WNT2B: variants seen among roughly 807,000 people sequenced by gnomAD.
WNT2B encodes the protein protein Wnt-2b.
A neutral mutation model predicts 40.5 loss-of-function variants in WNT2B; 19 were observed. The observed-to-expected ratio is 0.47, with a 90% CI of 0.33 to 0.69. The LOEUF (loss-of-function observed/expected upper bound fraction) is 0.69, where lower values mean the gene tolerates loss of function less well. WNT2B is among the 30% of genes least tolerant of loss of function. The pLI is 0.02. For missense variants in WNT2B, 467 were observed against 556.4 expected, an observed-to-expected ratio of 0.84 and a Z score of 1.62; for synonymous variants, 220 against 211.9, an observed-to-expected ratio of 1.04 and a Z score of -0.33.
Position 112,524,278 on chromosome 1 carries a change from G to C in WNT2B, c.*3769G>C, listed in dbSNP as rs1290259866. On this transcript the variant is annotated 3_prime_UTR_variant, in exon 5 of 5. Transcript: ENST00000369684. ...TTTTTTTTTCCTCAGTCTTTCTGAG[G>C]TTTTTATTTAAATGCACTCAGTGGT... 6.6e-6 allele frequency: 1 copy of C among 152,556 alleles called. No homozygotes were observed. The highest frequency in any genetic ancestry group is 1.9e-4 in the East Asian group (1 of 5,194). The allele number at this position is 152,556 out of a possible 1,614,324, so 9.5% of individuals were successfully genotyped here. A position where few individuals can be genotyped will look rare whatever the true frequency, so the allele number is the denominator to read the frequency against.
chr1:112,484,466 A>G (rs1484461655), intron 1 of WNT2B, among the ~76,000 whole-genome samples: 1 of 151,000 alleles, frequency 6.6e-6, no homozygotes, highest in Non-Finnish European at 1.5e-5. Flanking sequence ...TTGTAGAGAC[A>G]AGGTTTCACT....
intron 1 of WNT2B, among the ~76,000 whole-genome samples, chr1:112,471,005 T>G (rs934535257): frequency 6.6e-6 from 1 of 152,176 alleles, no homozygotes; most frequent in African/African-American, 2.4e-5. Flanking sequence ...GCCAGGGTAC[T>G]GGGGACCCTG....
At chr1:112,474,887 T>TC (rs903767324) in intron 1 of WNT2B, among the ~76,000 whole-genome samples, 2 of 152,188 alleles carry the variant, frequency 1.3e-5, no homozygotes, top group African/African-American at 2.4e-5. Context: ...TGTGTAGCAA[T>TC]CCCCCACACA....
chr1:112,475,616 CATA>C (rs1278813956), intron 1 of WNT2B, among the ~76,000 whole-genome samples: 3 of 151,708 alleles, frequency 2.0e-5, no homozygotes, highest in Non-Finnish European at 4.4e-5. Flanking sequence ...AATTCATCGG[CATA>C]ATATCACATG....
upstream of WNT2B, among the ~76,000 whole-genome samples, chr1:112,507,093 T>G (rs183681312): frequency 1.5e-4 from 23 of 152,310 alleles, no homozygotes; most frequent in East Asian, 4.1e-3. Flanking sequence ...TAGGATGCTC[T>G]TCACCAGGAA....
At chr1:112,517,052 G>A in intron 3 of WNT2B, 69 bp from the exon 4 acceptor site, 1 of 1,554,380 alleles carries the variant, frequency 6.4e-7, no homozygotes, top group Admixed American at 1.7e-5. Flanking sequence ...TCATCCTTTT[G>A]GACCTAGGGA....
At chr1:112,516,097 T>C (rs973720540) in intron 2 of WNT2B, 43 bp from the exon 3 acceptor site, 2 of 1,578,122 alleles carry the variant, frequency 1.3e-6, no homozygotes, top group African/African-American at 1.3e-5. Flanking sequence ...GGGACAGACA[T>C]GGGCCTCTTT....
chr1:112,500,476 A>G (rs1185993665), intron 1 of WNT2B, among the ~76,000 whole-genome samples: 1 of 152,190 alleles, frequency 6.6e-6, no homozygotes, highest in Non-Finnish European at 1.5e-5. Context: ...TGATCTGATA[A>G]AATACATTTT....
In WNT2B at chr1:112,517,279, T is replaced by C; in HGVS notation, c.840T>C (p.Asp280=). The change falls in exon 4 of 5, where the codon GAT becomes GAC. Residue 280 remains aspartate, a synonymous_variant. Coordinates refer to ENST00000369684, the MANE Select transcript of WNT2B (RefSeq NM_024494.3). ...CTGTGCAGGTGATGGCCACCCAAGATGGTGCCAACTTCACCGCAGCCCGCC... is the reference window on the plus strand; with the variant it reads ...CTGTGCAGGTGATGGCCACCCAAGACGGTGCCAACTTCACCGCAGCCCGCC... ...DGAVQVMATQ[D]GANFTAARQG... 6.2e-7 allele frequency: 1 copy of C among 1,614,196 alleles called. No homozygotes were observed. The highest frequency in any genetic ancestry group is 8.5e-7 in the Non-Finnish European group (1 of 1,180,024).
chr1:112,494,711 T>C (rs1651712218), intron 1 of WNT2B, among the ~76,000 whole-genome samples: 2 of 151,480 alleles, frequency 1.3e-5, no homozygotes, highest in Non-Finnish European at 2.9e-5. Context: ...AAACAAAAAA[T>C]AGGAGAATTT....
At chr1:112,502,138 C>G (rs892191539) in intron 1 of WNT2B, among the ~76,000 whole-genome samples, 1 of 152,212 alleles carries the variant, frequency 6.6e-6, no homozygotes, top group Non-Finnish European at 1.5e-5. Context: ...GGCTCGCTCT[C>G]CCGGGCTACT....
At chr1:112,467,631 C>T in intron 1 of WNT2B, 1 of 770,930 alleles carries the variant, frequency 1.3e-6, no homozygotes, top group East Asian at 2.4e-5. Flanking sequence ...ATACTTGTAC[C>T]TAATTTTCTC....
chr1:112,515,739 T>C lies in WNT2B; in HGVS notation c.404-401T>C, dbSNP rs1044799401. On this transcript the variant is annotated intron_variant, in intron 2 of 4. Transcript: ENST00000369684. The surrounding 1 kb of genome is among the most constrained non-coding windows in gnomAD (Gnocchi z 4.4). Reference sequence around the variant, plus strand: ...GACCCCTGGGCTGGGGTCTCCATTGTGGGGGAACTGTCCAGCAGAGTGGGC... The same window carrying C: ...GACCCCTGGGCTGGGGTCTCCATTGCGGGGGAACTGTCCAGCAGAGTGGGC... 1.3e-5 allele frequency among the ~76,000 whole-genome samples: 2 copies of C among 152,072 alleles called. No individual in the cohort carries two copies. The highest frequency in any genetic ancestry group is 2.9e-5 in the Non-Finnish European group (2 of 67,998).
At chr1:112,508,937 T>G (rs1652230287), upstream of WNT2B, 5 of 1,157,526 alleles carry the variant, frequency 4.3e-6, no homozygotes, top group Non-Finnish European at 5.3e-6. This position sits in a 1 kb window ranked among gnomAD's most constrained non-coding sequence, Gnocchi z 4.2. Context: ...TCCCGTCCAA[T>G]GAGAGCCCGC....
chr1:112,504,353 G>T (rs1186468181), upstream of WNT2B, among the ~76,000 whole-genome samples: 1 of 151,552 alleles, frequency 6.6e-6, no homozygotes, highest in East Asian at 1.9e-4. Context: ...GGAGCAGTTT[G>T]TGCCCCTGTT....
chr1:112,483,779 CA>C (rs71081241), intron 1 of WNT2B, among the ~76,000 whole-genome samples: 67,153 of 128,438 alleles, frequency 0.52, 16,169 homozygotes, highest in South Asian at 0.63. Context: ...AACTGAATAA[CA>C]AAAAAAAAAA....
intron 1 of WNT2B, among the ~76,000 whole-genome samples, chr1:112,503,745 G>A (rs567361155): frequency 6.6e-6 from 1 of 152,290 alleles, no homozygotes; most frequent in Admixed American, 6.5e-5. Flanking sequence ...TTCAGACAGG[G>A]AGGGGGAGGC....
At chr1:112,473,774 C>T (rs1349229107) in intron 1 of WNT2B, among the ~76,000 whole-genome samples, 1 of 151,684 alleles carries the variant, frequency 6.6e-6, no homozygotes, top group Non-Finnish European at 1.5e-5. Context: ...ACATCATAAT[C>T]GGCTGGGCAT....
rs1444352895 is a variant in WNT2B at position 112,516,350 on chromosome 1, C to T, written c.614C>T (p.Ala205Val). Residue 205 changes from alanine to valine, a missense_variant, in exon 3 of 5, where the codon GCC (alanine) becomes GTC (valine). Physicochemically the swap from Ala to Val is moderately conservative, Grantham distance 64. Around this residue, in one of 2 missense-constraint regions of WNT2B, gnomAD observed 330 missense variants for 438.6 expected, o/e 0.75. Transcript: ENST00000369684. Reference sequence around the variant, plus strand: ...CGTTTTGCCAAGGCCTTCGTGGATGCCAAGGAGAAGAGGCTTAAGGATGCC... The same window carrying T: ...CGTTTTGCCAAGGCCTTCGTGGATGTCAAGGAGAAGAGGCTTAAGGATGCC... ...GVRFAKAFVD[A>V]KEKRLKDARA... The T allele has an allele frequency of 6.2e-7, 1 of 1,614,004 alleles. No homozygotes were observed. The highest frequency in any genetic ancestry group is 1.7e-5 in the Admixed American group (1 of 60,010).
Sources: allele counts gnomAD v4.1 joint callset (sites outside exome capture counted in the v4.1 genomes callset), GRCh38; gene constraint gnomAD v4.1.1; regional missense constraint gnomAD v4.1.1; non-coding constraint Gnocchi (gnomAD v3.1); transcripts MANE v1.5; gene names NCBI Gene and HGNC (gene_info 2026-07-23, HGNC 2026-07-21).